Variants in DBF4B observed in about 807,000 individuals in gnomAD.
DBF4B encodes protein DBF4 homolog B.
In DBF4B, 49 loss-of-function variants were observed where a neutral mutation model predicts 53.4. The ratio of observed to expected loss-of-function variants is 0.92; its 90% confidence interval spans 0.73 to 1.16. DBF4B has a LOEUF of 1.16. Among genes scored for constraint, DBF4B ranks in the 50% most tolerant of loss-of-function variants. DBF4B has a pLI of 0.00. For synonymous variants in DBF4B, 257 were observed against 288.7 expected (o/e 0.89, Z 1.11); for missense variants, 692 against 775.0 (o/e 0.89, Z 1.27).
chr17:44,747,429 A>G lies in DBF4B; in HGVS notation c.978A>G (p.Glu326=), dbSNP rs191354456. Reference sequence around the variant, plus strand: ...CCCAGCACCGGAGCTTTGCCCTGGAAGCCCATCTATATGCAGAAGTGGACA... The same window carrying G: ...CCCAGCACCGGAGCTTTGCCCTGGAGGCCCATCTATATGCAGAAGTGGACA... ...QSAQHRSFAL[E]AHLYAEVDRI... The change falls in exon 12 of 14, where the codon GAA becomes GAG. Residue 326 remains glutamate, a synonymous_variant. Coordinates refer to ENST00000315005, the MANE Select transcript of DBF4B (RefSeq NM_145663.3). 224 of 1,614,122 alleles carry G rather than the reference A, an allele frequency of 1.4e-4. 1 individual carries two copies. The East Asian group carries it at 3.8e-3, about 27-fold the overall frequency.
intron 2 of DBF4B, among the ~76,000 whole-genome samples, chr17:44,711,302 AT>A (rs1474415266): frequency 6.6e-6 from 1 of 151,758 alleles, no homozygotes; most frequent in Non-Finnish European, 1.5e-5. Context: ...GATTCTTTAA[AT>A]TTTTTTAAAT....
At chr17:44,730,463 T>C (rs1319525171) in intron 4 of DBF4B, among the ~76,000 whole-genome samples, 1 of 152,192 alleles carries the variant, frequency 6.6e-6, no homozygotes, top group African/African-American at 2.4e-5. Context: ...GGCCAAGAGT[T>C]TGGACAATAC....
At chr17:44,722,290 A>G (rs567081258) in intron 2 of DBF4B, among the ~76,000 whole-genome samples, 28 of 152,034 alleles carry the variant, frequency 1.8e-4, no homozygotes, top group Non-Finnish European at 3.8e-4. Flanking sequence ...TTTGAGTTAT[A>G]ATTACCTAAG....
chr17:44,736,229 C>T lies in DBF4B; in HGVS notation c.631-601C>T, dbSNP rs12945859. 9.2e-5 allele frequency among the ~76,000 whole-genome samples: 14 copies of T among 152,058 alleles called. No individual in the cohort carries two copies. In the East Asian group the frequency reaches 2.5e-3, roughly 27 times the overall value. On this transcript the variant is annotated intron_variant, in intron 7 of 13. Transcript: ENST00000315005. The stretch of plus-strand genomic sequence containing the variant: ...AAACTTGTGAGCTCAAGCAATCCAC[C>T]TGCCTCGGCCTACCAAAATGTTGAA...
At chr17:44,716,401 C>G (rs1262146310) in intron 2 of DBF4B, among the ~76,000 whole-genome samples, 2 of 152,114 alleles carry the variant, frequency 1.3e-5, no homozygotes, top group Non-Finnish European at 2.9e-5. Context: ...ATCTGTAGGT[C>G]TTACTGTTCA....
At chr17:44,733,685 TTC>T (rs1975063363) in intron 6 of DBF4B, 1 of 162,330 alleles carries the variant, frequency 6.2e-6, no homozygotes, top group African/African-American at 2.4e-5. Context: ...TTCCCTGCCT[TTC>T]TCTGTTAGAG....
At chr17:44,735,206 C>T (rs1171215828) in intron 7 of DBF4B, among the ~76,000 whole-genome samples, 1 of 152,196 alleles carries the variant, frequency 6.6e-6, no homozygotes, top group Non-Finnish European at 1.5e-5. Flanking sequence ...TTGTGTTATT[C>T]AAAATTCAAA....
intron 3 of DBF4B, 74 bp downstream of exon 3, chr17:44,723,096 A>G (rs1172969147): frequency 1.3e-6 from 2 of 1,559,678 alleles, no homozygotes; most frequent in African/African-American, 1.4e-5. Context: ...TGGGGATTAT[A>G]TCTATGGTTT....
intron 10 of DBF4B, among the ~76,000 whole-genome samples, chr17:44,742,373 G>A (rs936996709): frequency 3.5e-5 from 5 of 143,834 alleles, no homozygotes; most frequent in Non-Finnish European, 7.5e-5. Flanking sequence ...TTGCGCCACT[G>A]TACTTCAGCC....
chr17:44,750,663 G>A lies in DBF4B; in HGVS notation c.1258G>A (p.Ala420Thr). Residue 420 changes from alanine to threonine, a missense_variant, in exon 14 of 14, where the codon GCA becomes ACA. Physicochemically the swap from Ala to Thr is moderately conservative, Grantham distance 58. Coordinates refer to ENST00000315005, the MANE Select transcript of DBF4B (RefSeq NM_145663.3). ...ACTAGATGGTGTGATGGGACCTCCT[G>A]CAAGTCACACATGTGTGAGTGCCAC... ...ESLDGVMGPP[A>T]SHTCVSATTL... 4 of 1,614,032 alleles carry A rather than the reference G, an allele frequency of 2.5e-6. No individual in the cohort carries two copies. Among genetic ancestry groups the A allele is most frequent in the Non-Finnish European group, 3.4e-6 (4 of 1,180,032 alleles).
In DBF4B at chr17:44,751,140, CCCT is replaced by C. The variant is rs1237699535; in HGVS notation, c.1739_1741del (p.Ser580del). 1.6e-5 allele frequency: 26 copies of C among 1,614,014 alleles called. No homozygotes were observed. Among genetic ancestry groups the C allele is most frequent in the Non-Finnish European group, 2.2e-5 (26 of 1,180,040 alleles). ...CTCACATCCGTGTACCCTTGCCTTC[CCCT>C]CCTATCTCAATGATCATGACCTTGG... On this transcript the variant is annotated inframe_deletion, in exon 14 of 14. Transcript: ENST00000315005.
At chr17:44,735,225 C>A (rs150448441) in intron 7 of DBF4B, among the ~76,000 whole-genome samples, 6 of 152,310 alleles carry the variant, frequency 3.9e-5, no homozygotes, top group African/African-American at 1.2e-4. Flanking sequence ...AAAGGGTATA[C>A]AACAAAAATT....
intron 7 of DBF4B, among the ~76,000 whole-genome samples, chr17:44,735,626 C>G (rs942367593): frequency 2.6e-5 from 4 of 152,128 alleles, no homozygotes; most frequent in African/African-American, 9.7e-5. Flanking sequence ...TGAGATCACA[C>G]CACTGCACTC....
chr17:44,708,909 C>T (rs1213628256), intron 1 of DBF4B, 70 bp downstream of exon 1: 20 of 1,537,908 alleles, frequency 1.3e-5, no homozygotes, highest in East Asian at 2.5e-5. Flanking sequence ...GGTGCGGAGT[C>T]GTGGAGGGGG....
At chr17:44,742,025 T>C (rs1976087655) in intron 10 of DBF4B, among the ~76,000 whole-genome samples, 1 of 150,672 alleles carries the variant, frequency 6.6e-6, no homozygotes, top group South Asian at 2.1e-4. Flanking sequence ...AGTGGGAGGA[T>C]CACATGAGGC....
Position 44,708,850 on chromosome 17 carries a change from C to T in DBF4B, c.19+11C>T, listed in dbSNP as rs899620181. The stretch of plus-strand genomic sequence containing the variant: ...GCGAACCGGGAAAGGGTACGGATGC[C>T]GGGAAGGGGAGAAAGAAAGGCGGAA... On this transcript the variant is annotated intron_variant, in intron 1 of 13. Transcript: ENST00000315005. 2.6e-6 allele frequency: 4 copies of T among 1,550,534 alleles called. No individual in the cohort carries two copies. The highest frequency in any genetic ancestry group is 2.0e-5 in the Admixed American group (1 of 50,830).
chr17:44,722,446 G>C (rs936918942), intron 2 of DBF4B, among the ~76,000 whole-genome samples: 3 of 152,168 alleles, frequency 2.0e-5, no homozygotes, highest in African/African-American at 7.2e-5. Context: ...TGCTGACTCT[G>C]GTTAGGGGCT....
chr17:44,751,511 G>A lies in DBF4B; in HGVS notation c.*258G>A. ...CCACAAGTCACACTGTCTGTCCCTG[G>A]CCCTCCAGCCCACCTCGCCAACCAC... On this transcript the variant is annotated 3_prime_UTR_variant, in exon 14 of 14. Transcript: ENST00000315005. 7.2e-7 allele frequency: 1 copy of A among 1,382,660 alleles called. No homozygotes were observed. The highest frequency in any genetic ancestry group is 9.3e-7 in the Non-Finnish European group (1 of 1,072,000). The allele number at this position is 1,382,660 out of a possible 1,614,324, so 85.6% of individuals were successfully genotyped here.
intron 1 of DBF4B, 115 bp from the exon 2 acceptor site, chr17:44,709,189 G>A: frequency 1.5e-6 from 2 of 1,334,586 alleles, no homozygotes; most frequent in Non-Finnish European, 2.1e-6. Flanking sequence ...GTTGAGTCTT[G>A]CTGTTCCCAG....
Sources: gnomAD v4.1 joint callset for allele counts (sites outside exome capture counted in the v4.1 genomes callset) on GRCh38, gnomAD v4.1.1 for gene constraint, MANE v1.5 for transcripts, NCBI Gene and HGNC (gene_info 2026-07-23, HGNC 2026-07-21) for gene names.